The following DEPDC4 variants were observed in gnomAD, a reference collection of about 807,000 sequenced individuals.
The protein encoded by DEPDC4 is DEP domain-containing protein 4.
A neutral mutation model predicts 52.0 loss-of-function variants in DEPDC4; 52 were observed. The ratio of observed to expected loss-of-function variants is 1.00; its 90% confidence interval spans 0.80 to 1.26. DEPDC4 has a LOEUF of 1.26. Ranked by LOEUF, DEPDC4 falls within the 50% of genes most tolerant of loss-of-function variation. DEPDC4 has a pLI of 0.00. For synonymous variants in DEPDC4, 201 were observed against 196.8 expected, an observed-to-expected ratio of 1.02 and a Z score of -0.18; for missense variants, 530 against 546.9, an observed-to-expected ratio of 0.97 and a Z score of 0.31.
At chr12:100,235,357 T>G (rs1315442206), downstream of DEPDC4, among the ~76,000 whole-genome samples, 1 of 151,564 alleles carries the variant, frequency 6.6e-6, no homozygotes, top group Non-Finnish European at 1.5e-5. Context: ...TAAGGTTTTT[T>G]TTTTTTTTTT....
chr12:100,249,419 T>A (rs557813420), intron 7 of DEPDC4, among the ~76,000 whole-genome samples: 1 of 152,212 alleles, frequency 6.6e-6, no homozygotes, highest in East Asian at 1.9e-4. Context: ...GAGGGTGAAG[T>A]GGGAAGATCG....
intron 4 of DEPDC4, 108 bp downstream of exon 4, chr12:100,255,940 GA>G: frequency 7.0e-6 from 5 of 709,622 alleles, no homozygotes; most frequent in Non-Finnish European, 1.1e-5. Flanking sequence ...ATAAAAGAGA[GA>G]TAGTATAAGC....
At chr12:100,270,623 C>CTT (rs559329533), upstream of DEPDC4, among the ~76,000 whole-genome samples, 18,704 of 125,488 alleles carry the variant, frequency 0.15, 1,432 homozygotes, top group Non-Finnish European at 0.2. Context: ...ATGTTGCTTT[C>CTT]TTTTTTTTTT....
At chr12:100,249,103 G>T in intron 7 of DEPDC4, 125 bp from the exon 8 acceptor site, 1 of 210,324 alleles carries the variant, frequency 4.8e-6, no homozygotes, top group Non-Finnish European at 8.3e-6. Flanking sequence ...GTAGATGAGT[G>T]GAAAGGGTGG....
At chr12:100,275,987 A>T in the DEPDC4 span, among the ~76,000 whole-genome samples, 1 of 152,160 alleles carries the variant, frequency 6.6e-6, no homozygotes, top group African/African-American at 2.4e-5. Flanking sequence ...CATTTTTAAA[A>T]GTTGAATTAA....
upstream of DEPDC4, chr12:100,267,139 C>T (rs1592916716): frequency 6.4e-7 from 1 of 1,554,504 alleles, no homozygotes; most frequent in Non-Finnish European, 8.7e-7. Context: ...TCCGAACCGG[C>T]AGGAAGTGAC....
chr12:100,274,527 G>A, the DEPDC4 span, among the ~76,000 whole-genome samples: 59 of 152,232 alleles, frequency 3.9e-4, no homozygotes, highest in African/African-American at 1.4e-3. Flanking sequence ...AAGAAGCAAG[G>A]TACAGCCTCC....
In DEPDC4 at chr12:100,250,129, C is replaced by T. The variant is rs1002361260; in HGVS notation, c.1375-1151G>A. On this transcript the variant is annotated intron_variant, in intron 7 of 9. Coordinates refer to ENST00000550587, the MANE Select transcript of DEPDC4 (RefSeq NM_001364818.2). ...GAAACCAACTATCAGGGCCCTTCTC[C>T]CTGCTTCCTGATTTCCATATCCCCA... 5.3e-5 allele frequency among the ~76,000 whole-genome samples: 8 copies of T among 152,172 alleles called. No individual in the cohort carries two copies. The East Asian group carries it at 7.7e-4, about 15-fold the overall frequency.
rs572739368 is a variant in DEPDC4 at position 100,257,971 on chromosome 12, G to A, written c.701-1745C>T. Among the ~76,000 whole-genome samples the A allele has an allele frequency of 2.8e-3, 336 of 119,776 alleles. 4 individuals are homozygous for A. The highest frequency in any genetic ancestry group is 0.01 in the African/African-American group (322 of 30,796). The allele number at this position is 119,776 out of a possible 152,430, so 78.6% of individuals were successfully genotyped here. A position where few individuals can be genotyped will look rare whatever the true frequency, so the allele number is the denominator to read the frequency against. On this transcript the variant is annotated intron_variant, in intron 3 of 9. Coordinates refer to ENST00000550587, the MANE Select transcript of DEPDC4 (RefSeq NM_001364818.2). ...GAGATTTCATGTGAAATTCTAAAAT[G>A]TATTGATAGATAGATAGATAGATAG...
At chr12:100,248,643 T>C (rs1171187132) in intron 8 of DEPDC4, among the ~76,000 whole-genome samples, 1 of 151,976 alleles carries the variant, frequency 6.6e-6, no homozygotes, top group African/African-American at 2.4e-5. Context: ...TGGGTGATAA[T>C]TGAAGGGGAG....
chr12:100,237,408 A>C (rs2153903099), downstream of DEPDC4, among the ~76,000 whole-genome samples: 1 of 152,174 alleles, frequency 6.6e-6, no homozygotes, highest in South Asian at 2.1e-4. Flanking sequence ...GGTTTTCACC[A>C]TGTTGGCCAG....
the DEPDC4 span, among the ~76,000 whole-genome samples, chr12:100,278,328 T>C: frequency 5.1e-4 from 77 of 152,150 alleles, 2 homozygotes; most frequent in Middle Eastern, 3.4e-3. Flanking sequence ...GCCTCCTGAG[T>C]AGATGAGACT....
chr12:100,263,629 A>G lies in DEPDC4; in HGVS notation c.422T>C (p.Leu141Pro), dbSNP rs750679714. The G allele has an allele frequency of 3.7e-6, 6 of 1,613,828 alleles. No individual in the cohort carries two copies. ...TTCTAATTCCTTTTCTTTTTTGAAA[A>G]GCTTCTTCATTCCTACTGGTTCAAA... ...KVFEPVGMKK[L>P]FKKEKELEFE... Residue 141 changes from leucine to proline, a missense_variant, in exon 2 of 10, where the codon CTT (leucine) becomes CCT (proline). Coordinates refer to ENST00000550587, the MANE Select transcript of DEPDC4 (RefSeq NM_001364818.2).
chr12:100,249,917 A>G (rs2153908186), intron 7 of DEPDC4, among the ~76,000 whole-genome samples: 1 of 152,362 alleles, frequency 6.6e-6, no homozygotes, highest in Non-Finnish European at 1.5e-5. Context: ...TAATACATAT[A>G]ATCTCAGGTA....
chr12:100,273,474 C>T, the DEPDC4 span, among the ~76,000 whole-genome samples: 4 of 152,098 alleles, frequency 2.6e-5, no homozygotes, highest in African/African-American at 9.7e-5. Flanking sequence ...TCATTTACTT[C>T]CTTCCCAGTT....
intron 7 of DEPDC4, among the ~76,000 whole-genome samples, chr12:100,249,201 T>G (rs2096198085): frequency 6.6e-6 from 1 of 152,210 alleles, no homozygotes; most frequent in Non-Finnish European, 1.5e-5. Context: ...TGTACTGTAT[T>G]TAAAATTAGG....
intron 2 of DEPDC4, 23 bp from the exon 3 acceptor site, chr12:100,262,432 T>A (rs1566327085): frequency 1.9e-6 from 3 of 1,573,330 alleles, no homozygotes; most frequent in Admixed American, 2.0e-5. Flanking sequence ...AATACGTGGC[T>A]CTTTTCATTA....
At chr12:100,267,303 A>G, upstream of DEPDC4, 1 of 494,130 alleles carries the variant, frequency 2.0e-6, no homozygotes, top group East Asian at 3.5e-5. Context: ...GTCAGTGGCC[A>G]GGCACGAAGG....
At chr12:100,281,270 C>T in the DEPDC4 span, among the ~76,000 whole-genome samples, 1 of 152,024 alleles carries the variant, frequency 6.6e-6, no homozygotes, top group Middle Eastern at 3.2e-3. Flanking sequence ...CTCAAGTGAT[C>T]CACCTCCATC....
Sources: allele counts gnomAD v4.1 joint callset (sites outside exome capture counted in the v4.1 genomes callset), GRCh38; gene constraint gnomAD v4.1.1; transcripts MANE v1.5; gene names NCBI Gene and HGNC (gene_info 2026-07-23, HGNC 2026-07-21).